The following LAMA3 variants were observed in gnomAD, a reference collection of about 807,000 sequenced individuals.
LAMA3 encodes laminin subunit alpha-3.
A neutral mutation model predicts 402.0 loss-of-function variants in LAMA3; 281 were observed. That is an observed-to-expected ratio of 0.70 (90% CI 0.63 to 0.77). The LOEUF (loss-of-function observed/expected upper bound fraction) is 0.77, where lower values mean the gene tolerates loss of function less well. Ranked by LOEUF, LAMA3 falls within the 30% of genes least tolerant of loss-of-function variation. The probability of loss-of-function intolerance (pLI) is 0.00; values close to 1 mark genes in which losing one functional copy is unlikely to be tolerated. For missense variants in LAMA3, 3,840 were observed against 4,215.5 expected, an observed-to-expected ratio of 0.91 and a Z score of 2.47; for synonymous variants, 1,431 against 1,558.4, an observed-to-expected ratio of 0.92 and a Z score of 1.93.
At chr18:23,796,409 G>GT (rs1313238518) in intron 12 of LAMA3, among the ~76,000 whole-genome samples, 3 of 152,252 alleles carry the variant, frequency 2.0e-5, no homozygotes, top group Admixed American at 2.0e-4. Flanking sequence ...GGGAAGAGAG[G>GT]TACCCCCATG....
chr18:23,799,549 G>A (rs1205111067), intron 12 of LAMA3, among the ~76,000 whole-genome samples: 8 of 152,180 alleles, frequency 5.3e-5, no homozygotes, highest in South Asian at 2.1e-4. Flanking sequence ...TGGTCCTAAG[G>A]CCAGTGTCTG....
In LAMA3 at chr18:23,846,981, G is replaced by A. The variant is rs561323292; in HGVS notation, c.3931+473G>A. Reference sequence around the variant, plus strand: ...TTATCTCAGAACCATCTTGTGGTCCGAGGGGTAGGGTAAGCTCACTTCACG... The same window carrying A: ...TTATCTCAGAACCATCTTGTGGTCCAAGGGGTAGGGTAAGCTCACTTCACG... On this transcript the variant is annotated intron_variant, in intron 31 of 74. Coordinates refer to ENST00000313654, the MANE Select transcript of LAMA3 (RefSeq NM_198129.4). Among the ~76,000 whole-genome samples the A allele has an allele frequency of 3.1e-4, 47 of 152,318 alleles. No individual in the cohort carries two copies. The South Asian group carries it at 3.9e-3, about 13-fold the overall frequency.
intron 1 of LAMA3, among the ~76,000 whole-genome samples, chr18:23,702,160 G>A (rs919207465): frequency 2.6e-5 from 4 of 152,068 alleles, no homozygotes; most frequent in Non-Finnish European, 5.9e-5. Flanking sequence ...CGAGGTGAGG[G>A]GAAGGGGGTG....
At chr18:23,889,080 G>A (rs1048084773) in intron 41 of LAMA3, among the ~76,000 whole-genome samples, 1 of 152,112 alleles carries the variant, frequency 6.6e-6, no homozygotes, top group African/African-American at 2.4e-5. Flanking sequence ...AGTTGTTTAA[G>A]AGTCATTATA....
intron 7 of LAMA3, among the ~76,000 whole-genome samples, chr18:23,762,740 A>G (rs1188257085): frequency 1.3e-5 from 2 of 151,280 alleles, no homozygotes; most frequent in African/African-American, 4.8e-5. Flanking sequence ...GGCAGGGAGA[A>G]TGGAGTCTCA....
Position 23,846,361 on chromosome 18 carries a change from G to T in LAMA3, c.3784G>T (p.Gly1262Cys), listed in dbSNP as rs1283915375. The change falls in exon 31 of 75, where the codon GGC becomes TGC. Residue 1262 changes from glycine (G) to cysteine (C), a missense_variant. Around this residue, in one of 3 missense-constraint regions of LAMA3, gnomAD observed 2,109 missense variants for 2,376.0 expected, o/e 0.89. Coordinates refer to ENST00000313654, the MANE Select transcript of LAMA3 (RefSeq NM_198129.4). ...GTCCCTGGTGGCCTTTTACCACAAG[G>T]GCGCCCTGCCTTGTGAGTGCCACCC... ...ARSLVAFYHK[G>C]ALPCECHPTG... 6.2e-7 allele frequency: 1 copy of T among 1,614,214 alleles called. No homozygotes were observed.
At chr18:23,824,950 C>T (rs537705034) in intron 21 of LAMA3, among the ~76,000 whole-genome samples, 1 of 152,292 alleles carries the variant, frequency 6.6e-6, no homozygotes, top group African/African-American at 2.4e-5. Flanking sequence ...CATTGCCTCA[C>T]ATCATAAGAA....
Position 23,861,607 on chromosome 18 carries a change from CA to C in LAMA3, c.4423-37del, listed in dbSNP as rs34693139. On this transcript the variant is annotated intron_variant, in intron 34 of 74. Coordinates refer to ENST00000313654, the MANE Select transcript of LAMA3 (RefSeq NM_198129.4). ...CCCATCACCCCAGGGATGCCACGACCAAGACGTTTCCATCCCTTGCTTCTCT... is the reference window on the plus strand; with the variant it reads ...CCCATCACCCCAGGGATGCCACGACCAGACGTTTCCATCCCTTGCTTCTCT... The C allele has an allele frequency of 6.5e-4, 1,052 of 1,613,348 alleles. 2 individuals are homozygous for C. The highest frequency in any genetic ancestry group is 9.9e-4 in the Middle Eastern group (6 of 6,062).
At chr18:23,885,297 C>T (rs946211433) in intron 41 of LAMA3, among the ~76,000 whole-genome samples, 16 of 151,282 alleles carry the variant, frequency 1.1e-4, no homozygotes, top group Non-Finnish European at 2.2e-4. Context: ...CGTACACACA[C>T]ATATCCACAG....
In LAMA3 at chr18:23,763,409, C is replaced by T. The variant is rs768823969; in HGVS notation, c.1068C>T (p.Cys356=). Residue 356 remains cysteine, a synonymous_variant, in exon 8 of 75, where the codon TGC becomes TGT. Coordinates refer to ENST00000313654, the MANE Select transcript of LAMA3 (RefSeq NM_198129.4). ...CTTATTATGCTTTTTTTTCAGCATG[C>T]AACTGCCACGGCCATGCCAGCAACT... is the stretch of plus-strand genomic sequence containing the variant. ...AWEQSHECEA[C]NCHGHASNCY... 2 of 1,607,242 alleles carry T rather than the reference C, an allele frequency of 1.2e-6. No homozygotes were observed. The highest frequency in any genetic ancestry group is 1.1e-5 in the South Asian group (1 of 90,922).
Position 23,846,149 on chromosome 18 carries a change from G to T in LAMA3, c.3720-148G>T, listed in dbSNP as rs959885415. ...GTGGCTGTCACCGGCTGAGTCTGAG[G>T]TGGGGTATTTCCCACTCTTCCCTGA... On this transcript the variant is annotated intron_variant, in intron 30 of 74. Transcript: ENST00000313654. The T allele has an allele frequency of 6.0e-6, 5 of 831,916 alleles. No homozygotes were observed. In the Admixed American group the frequency reaches 8.7e-5, roughly 14 times the overall value. 51.5% of individuals were successfully genotyped at this position (831,916 alleles called of 1,614,324 possible).
chr18:23,766,001 T>A (rs562049878), intron 8 of LAMA3, among the ~76,000 whole-genome samples: 1 of 152,096 alleles, frequency 6.6e-6, no homozygotes, highest in South Asian at 2.1e-4. Context: ...GAACATGTAA[T>A]TGGACTCCCA....
intron 36 of LAMA3, among the ~76,000 whole-genome samples, chr18:23,866,569 G>A (rs1191943802): frequency 6.6e-6 from 1 of 152,242 alleles, no homozygotes; most frequent in Non-Finnish European, 1.5e-5. Flanking sequence ...TAAAAACACA[G>A]TCACAGCAGT....
At position 23,916,692 on chromosome 18, in the gene LAMA3, C is replaced by T. The variant is rs768128242; in HGVS notation, c.7920C>T (p.Asn2640=). ...VDRGLLFFAE[N]GDRFISLNIE... is the part of the protein sequence containing the mutation. Reference sequence around the variant, plus strand: ...GAGGCTTGCTGTTCTTTGCAGAAAACGGGGTAATCTATAACAAGCATCCAG... The same window carrying T: ...GAGGCTTGCTGTTCTTTGCAGAAAATGGGGTAATCTATAACAAGCATCCAG... The change falls in exon 60 of 75, where the codon AAC becomes AAT. Residue 2640 remains asparagine, a synonymous_variant. Transcript: ENST00000313654. 60 of 1,613,784 alleles carry T rather than the reference C, an allele frequency of 3.7e-5. No homozygotes were observed. The highest frequency in any genetic ancestry group is 3.3e-4 in the East Asian group (15 of 44,892).
In LAMA3 at chr18:23,899,003, G is replaced by A. The variant is rs762925164; in HGVS notation, c.5774G>A (p.Arg1925Gln). The change falls in exon 46 of 75, where the codon CGG (arginine) becomes CAG (glutamine). Residue 1925 changes from arginine (R) to glutamine (Q), a missense_variant. By Grantham distance (43) the Arg-to-Gln change is conservative. Transcript: ENST00000313654. Reference protein sequence around the residue: ...KAQTLNNNVNRATQSAKELDV... With the variant: ...KAQTLNNNVNQATQSAKELDV... ...CAAACATTAAACAACAATGTTAATCGGGCAACACAAAGCGCAAAAGAACTG... is the reference window on the plus strand; with the variant it reads ...CAAACATTAAACAACAATGTTAATCAGGCAACACAAAGCGCAAAAGAACTG... 71 of 1,613,754 alleles carry A rather than the reference G, an allele frequency of 4.4e-5. No homozygotes were observed. The highest frequency in any genetic ancestry group is 1.3e-4 in the African/African-American group (10 of 74,850).
intron 67 of LAMA3, among the ~76,000 whole-genome samples, chr18:23,938,819 A>AAAG (rs5823407): frequency 0.97 from 147,631 of 151,528 alleles, 72,025 homozygotes; most frequent in Non-Finnish European, 1. Context: ...CATGCTCCCC[A>AAAG]AAGGAGGGAG....
At chr18:23,885,215 A>G (rs993477961) in intron 41 of LAMA3, among the ~76,000 whole-genome samples, 1 of 146,792 alleles carries the variant, frequency 6.8e-6, no homozygotes, top group African/African-American at 2.5e-5. Flanking sequence ...TCCCTTCCAC[A>G]TATCTCCACA....
At chr18:23,782,419 G>T (rs2062454536) in intron 11 of LAMA3, among the ~76,000 whole-genome samples, 1 of 152,104 alleles carries the variant, frequency 6.6e-6, no homozygotes, top group Admixed American at 6.5e-5. Context: ...AGTCAGATGT[G>T]GCACACGCCT....
intron 2 of LAMA3, among the ~76,000 whole-genome samples, chr18:23,717,644 C>T (rs1482640325): frequency 4.8e-5 from 7 of 146,982 alleles, no homozygotes; most frequent in Non-Finnish European, 1.0e-4. Flanking sequence ...CCTCCGTCTC[C>T]CAGGTTCAAG....
Sources: gnomAD v4.1 joint callset for allele counts (sites outside exome capture counted in the v4.1 genomes callset) on GRCh38, gnomAD v4.1.1 for gene constraint, gnomAD v4.1.1 regional missense constraint, MANE v1.5 for transcripts, NCBI Gene and HGNC (gene_info 2026-07-23, HGNC 2026-07-21) for gene names.